Variants in PDE2A observed in about 807,000 individuals in gnomAD.
PDE2A encodes the protein phosphodiesterase 2A, also known as cGMP-dependent 3',5'-cyclic phosphodiesterase.
PDE2A carries 53 observed loss-of-function variants against 133.6 expected under a neutral mutation model. That is an observed-to-expected ratio of 0.40 (90% CI 0.32 to 0.50). The LOEUF (loss-of-function observed/expected upper bound fraction) is 0.50, where lower values mean the gene tolerates loss of function less well. PDE2A is among the 20% of genes least tolerant of loss of function. The pLI, the probability that PDE2A is intolerant of heterozygous loss-of-function variation, is 0.73. For missense variants in PDE2A, 796 were observed against 1,232.4 expected, an observed-to-expected ratio of 0.65 and a Z score of 5.30; for synonymous variants, 491 against 490.2, an observed-to-expected ratio of 1.00 and a Z score of -0.02.
chr11:72,616,739 T>G (rs1857495368), intron 2 of PDE2A, among the ~76,000 whole-genome samples: 1 of 152,172 alleles, frequency 6.6e-6, no homozygotes, highest in African/African-American at 2.4e-5. Flanking sequence ...CCTTTGTGCT[T>G]CAGGATCATC....
At chr11:72,616,450 C>G (rs1478182672) in intron 2 of PDE2A, among the ~76,000 whole-genome samples, 1 of 152,234 alleles carries the variant, frequency 6.6e-6, no homozygotes, top group African/African-American at 2.4e-5. Flanking sequence ...AGGTCTCCAG[C>G]ATTACCCAGC....
intron 2 of PDE2A, among the ~76,000 whole-genome samples, chr11:72,617,086 C>T (rs930167322): frequency 1.3e-5 from 2 of 152,230 alleles, no homozygotes; most frequent in African/African-American, 4.8e-5. Flanking sequence ...CAGAGTCCTG[C>T]TTGTCTTTGG....
intron 4 of PDE2A, among the ~76,000 whole-genome samples, chr11:72,601,226 G>T (rs1856734423): frequency 1.8e-3 from 1 of 568 alleles, no homozygotes. Flanking sequence ...CTCTCACTGT[G>T]CCCCAATCCC....
intron 1 of PDE2A, among the ~76,000 whole-genome samples, chr11:72,650,039 T>A (rs1394661431): frequency 3.5e-5 from 5 of 143,524 alleles, no homozygotes; most frequent in South Asian, 2.3e-4. Flanking sequence ...TTTTTTTTTT[T>A]AGATGGAGTC....
intron 2 of PDE2A, among the ~76,000 whole-genome samples, chr11:72,618,757 C>G (rs1857600217): frequency 6.6e-6 from 1 of 152,206 alleles, no homozygotes; most frequent in Non-Finnish European, 1.5e-5. Flanking sequence ...GGCGATGGGC[C>G]TACGAGCCCA....
chr11:72,613,571 G>A (rs576570495), intron 2 of PDE2A, among the ~76,000 whole-genome samples: 31 of 151,754 alleles, frequency 2.0e-4, no homozygotes, highest in Non-Finnish European at 4.1e-4. Context: ...GAGTCTTGAC[G>A]TCTTTTCCCA....
At chr11:72,585,975 T>C in intron 14 of PDE2A, 95 bp downstream of exon 14, 1 of 778,076 alleles carries the variant, frequency 1.3e-6, no homozygotes, top group Non-Finnish European at 2.2e-6. Flanking sequence ...CTGCCACCAG[T>C]CCAGAAAGAC....
At chr11:72,605,115 TGG>T in intron 4 of PDE2A, 21 bp downstream of exon 4, 1 of 1,507,160 alleles carries the variant, frequency 6.6e-7, no homozygotes, top group Non-Finnish European at 9.2e-7. Context: ...AAGAGGGCAA[TGG>T]GGGTGCAGAG....
chr11:72,610,374 T>G (rs1320307645), intron 2 of PDE2A, among the ~76,000 whole-genome samples: 3 of 152,106 alleles, frequency 2.0e-5, no homozygotes, highest in Non-Finnish European at 4.4e-5. Flanking sequence ...TCCTCAAGGG[T>G]GCACAAGAGT....
rs79611487 is a variant in PDE2A, at chr11:72,650,591, C to T, written c.72-8265G>A. Among the ~76,000 whole-genome samples, 290 of 152,290 alleles carry T rather than the reference C, an allele frequency of 1.9e-3. 4 individuals carry two copies. In the East Asian group the frequency reaches 0.04, roughly 21 times the overall value. On this transcript the variant is annotated intron_variant, in intron 1 of 30. Transcript: ENST00000334456. Reference sequence around the variant, plus strand: ...CCCCAATCTCCTCCCCTTAGTGGCACCTCCTACCGTCCAGGCTGCAGAACC... The same window carrying T: ...CCCCAATCTCCTCCCCTTAGTGGCATCTCCTACCGTCCAGGCTGCAGAACC...
intron 4 of PDE2A, among the ~76,000 whole-genome samples, chr11:72,603,661 C>T (rs1203570120): frequency 2.0e-5 from 3 of 152,216 alleles, no homozygotes; most frequent in African/African-American, 7.2e-5. Context: ...GAAAGGGGGA[C>T]ATGACCACAT....
At chr11:72,654,353 A>G (rs553781164) in intron 1 of PDE2A, among the ~76,000 whole-genome samples, 1 of 152,310 alleles carries the variant, frequency 6.6e-6, no homozygotes, top group East Asian at 1.9e-4. Flanking sequence ...GAGGAAAGTG[A>G]TTTGCCCTAA....
chr11:72,596,612 GC>G lies in PDE2A; in HGVS notation c.469del (p.Ala157ProfsTer13). On this transcript the variant is annotated frameshift_variant, in exon 6 of 31. Coordinates refer to ENST00000334456, the MANE Select transcript of PDE2A (RefSeq NM_002599.5). LOFTEE classifies it high-confidence loss of function. ...VMPLADKEAG[A>X]VAAVILVHCG... ...TCTTACCAAGATGACAGCTGCCACG[GC>G]CCCAGCCTCCTTGTCCGCTAGCGGC... 4 of 1,509,104 alleles carry G rather than the reference GC, an allele frequency of 2.7e-6. No individual in the cohort carries two copies. The highest frequency in any genetic ancestry group is 1.3e-5 in the South Asian group (1 of 75,540). The allele number at this position is 1,509,104 out of a possible 1,614,324, so 93.5% of individuals were successfully genotyped here.
At chr11:72,629,996 T>C (rs1858293802) in intron 2 of PDE2A, among the ~76,000 whole-genome samples, 1 of 151,902 alleles carries the variant, frequency 6.6e-6, no homozygotes, top group South Asian at 2.1e-4. Context: ...GTTCTCTCTC[T>C]CTCTCTCACA....
At chr11:72,624,981 C>T (rs1364873573) in intron 2 of PDE2A, among the ~76,000 whole-genome samples, 2 of 152,232 alleles carry the variant, frequency 1.3e-5, no homozygotes, top group African/African-American at 4.8e-5. Flanking sequence ...CAAGCTTGGC[C>T]CCTCGTCCCC....
At chr11:72,589,269 GC>G in intron 11 of PDE2A, 29 bp from the exon 12 acceptor site, 1 of 1,550,284 alleles carries the variant, frequency 6.5e-7, no homozygotes, top group Non-Finnish European at 8.9e-7. Flanking sequence ...CTGAGTCAGG[GC>G]CCAGTACTCC....
intron 2 of PDE2A, among the ~76,000 whole-genome samples, chr11:72,638,407 G>A (rs1013295683): frequency 9.2e-5 from 14 of 152,204 alleles, no homozygotes; most frequent in Admixed American, 5.9e-4. Flanking sequence ...GACACACACG[G>A]TGGGTAGAGG....
At position 72,647,947 on chromosome 11, in the gene PDE2A, G is replaced by C. The variant is rs1020664095; in HGVS notation, c.72-5621C>G. Among the ~76,000 whole-genome samples, 3 of 152,198 alleles carry C rather than the reference G, an allele frequency of 2.0e-5. No homozygotes were observed. In the East Asian group the frequency reaches 5.8e-4, roughly 29 times the overall value. On this transcript the variant is annotated intron_variant, in intron 1 of 30. Transcript: ENST00000334456. ...TCTGTGTATCTATAGGGGTTGGCACGGGTGTGTCTATGCAGATAGGCATGT... is the reference window on the plus strand; with the variant it reads ...TCTGTGTATCTATAGGGGTTGGCACCGGTGTGTCTATGCAGATAGGCATGT...
At chr11:72,640,438 C>T (rs1170560981) in intron 2 of PDE2A, among the ~76,000 whole-genome samples, 1 of 151,970 alleles carries the variant, frequency 6.6e-6, no homozygotes. Flanking sequence ...CACACTCACA[C>T]ACTTGTCAAC....
Sources: gnomAD v4.1 joint callset for allele counts (sites outside exome capture counted in the v4.1 genomes callset) on GRCh38, gnomAD v4.1.1 for gene constraint, MANE v1.5 for transcripts, NCBI Gene and HGNC (gene_info 2026-07-23, HGNC 2026-07-21) for gene names.